TENM1: variants seen among roughly 807,000 people sequenced by gnomAD.
TENM1 encodes teneurin transmembrane protein 1.
In TENM1, 35 loss-of-function variants were observed where a neutral mutation model predicts 174.8. The observed-to-expected ratio is 0.20, with a 90% confidence interval of 0.15 to 0.27. The LOEUF (loss-of-function observed/expected upper bound fraction) is 0.27, where lower values mean the gene tolerates loss of function less well. Among genes scored for constraint, TENM1 ranks in the 10% least tolerant of loss-of-function variants. The pLI is 1.00. For synonymous variants in TENM1, 781 were observed against 798.7 expected (o/e 0.98, Z 0.37); for missense variants, 1,633 against 2,130.1 (o/e 0.77, Z 4.59).
intron 4 of TENM1, among the ~76,000 whole-genome samples, chrX:124,717,588 T>A (rs976877425): frequency 8.9e-6 from 1 of 111,873 alleles, no homozygotes; most frequent in Admixed American, 9.5e-5. Context: ...AGAAATAGAA[T>A]GATGGAGAGA....
chrX:124,566,870 G>C (rs1478675448), intron 11 of TENM1, among the ~76,000 whole-genome samples: 1 of 111,682 alleles, frequency 9.0e-6, no homozygotes, highest in Non-Finnish European at 1.9e-5. Context: ...AGTACCTATG[G>C]ACCCTTAGGC....
In TENM1 at chrX:124,728,840, T is replaced by C. The variant is rs772797420; in HGVS notation, c.776+8117A>G. On this transcript the variant is annotated intron_variant, in intron 4 of 31. Coordinates refer to ENST00000422452, the Ensembl canonical transcript of TENM1. ...CTGTCATATCCTACCTGTGGGATTT[T>C]ACAAAGTTCCTTAACCTCTCTGTAC... is the stretch of plus-strand genomic sequence containing the variant. Among the ~76,000 whole-genome samples the C allele has an allele frequency of 6.2e-5, 7 of 112,139 alleles. 1 individual carries two copies. The highest frequency in any genetic ancestry group is 3.8e-4 in the Admixed American group (4 of 10,576).
chrX:124,716,190 C>G (rs1435587743), intron 4 of TENM1, among the ~76,000 whole-genome samples: 1 of 112,028 alleles, frequency 8.9e-6, no homozygotes, highest in African/African-American at 3.2e-5. Context: ...CTCTAAAGAA[C>G]AAGCTGGCAA....
At chrX:124,381,831 G>A (rs2060160695) in intron 31 of TENM1, among the ~76,000 whole-genome samples, 2 of 110,958 alleles carry the variant, frequency 1.8e-5, no homozygotes, top group South Asian at 7.6e-4. Flanking sequence ...AAGAAATAAA[G>A]AGAAAAGACT....
At chrX:124,752,156 G>T (rs1487529541) in intron 3 of TENM1, among the ~76,000 whole-genome samples, 4 of 111,425 alleles carry the variant, frequency 3.6e-5, no homozygotes, top group Non-Finnish European at 7.5e-5. Flanking sequence ...AACACCTGTT[G>T]TTTCCTGACT....
intron 3 of TENM1, among the ~76,000 whole-genome samples, chrX:124,871,143 C>G (rs1390931049): frequency 8.9e-6 from 1 of 111,885 alleles, no homozygotes; most frequent in Non-Finnish European, 1.9e-5. Context: ...CATCTTCTCC[C>G]TTTTCCCCCT....
At chrX:124,579,931 GT>G (rs200846985) in intron 11 of TENM1, among the ~76,000 whole-genome samples, 1,268 of 111,781 alleles carry the variant, frequency 0.011, 23 homozygotes, top group African/African-American at 0.038. Flanking sequence ...GATGAGTTAT[GT>G]TTGGTTTTGG....
chrX:125,166,200 G>A, the TENM1 span, among the ~76,000 whole-genome samples: 3 of 111,379 alleles, frequency 2.7e-5, no homozygotes, highest in Admixed American at 9.6e-5. Context: ...AGAATGCTGT[G>A]TTCACACTAG....
the TENM1 span, among the ~76,000 whole-genome samples, chrX:125,105,047 C>T: frequency 3.6e-5 from 4 of 111,889 alleles, no homozygotes; most frequent in East Asian, 1.1e-3. Flanking sequence ...TTTCTATGGT[C>T]CTCAGTTTCA....
chrX:124,719,114 T>G (rs185830056), intron 4 of TENM1, among the ~76,000 whole-genome samples: 3 of 111,506 alleles, frequency 2.7e-5, no homozygotes, highest in African/African-American at 9.8e-5. Flanking sequence ...TTTTGAGGTA[T>G]TCTACATCTC....
At chrX:124,963,060 T>G (rs1342115231) in intron 1 of TENM1, among the ~76,000 whole-genome samples, 1 of 111,685 alleles carries the variant, frequency 9.0e-6, no homozygotes, top group African/African-American at 3.3e-5. Flanking sequence ...TTCTAAAAAA[T>G]TCTTACTTTC....
At chrX:124,734,752 G>T (rs2053634527) in intron 4 of TENM1, among the ~76,000 whole-genome samples, 1 of 111,770 alleles carries the variant, frequency 8.9e-6, no homozygotes, top group Non-Finnish European at 1.9e-5. Flanking sequence ...TAGGAGAGTT[G>T]ACTAGTCCTT....
intron 11 of TENM1, among the ~76,000 whole-genome samples, chrX:124,631,104 G>GA (rs2050745442): frequency 9.0e-6 from 1 of 111,608 alleles, no homozygotes; most frequent in Non-Finnish European, 1.9e-5. Context: ...ATATCCAAGA[G>GA]TTCAAAGAAG....
chrX:124,444,125 C>T (rs1400716622), intron 23 of TENM1, among the ~76,000 whole-genome samples: 3 of 111,789 alleles, frequency 2.7e-5, no homozygotes, highest in Non-Finnish European at 3.8e-5. Flanking sequence ...ACAATTGCAC[C>T]TACCTATCCA....
At chrX:124,464,793 T>A (rs1204273197) in intron 22 of TENM1, among the ~76,000 whole-genome samples, 2 of 111,847 alleles carry the variant, frequency 1.8e-5, no homozygotes, top group Non-Finnish European at 3.8e-5. Context: ...CAACTTCTTT[T>A]ACTGTTTTTA....
At chrX:125,152,105 A>G in the TENM1 span, among the ~76,000 whole-genome samples, 1 of 110,510 alleles carries the variant, frequency 9.0e-6, no homozygotes, top group African/African-American at 3.3e-5. Flanking sequence ...AAACACAAAA[A>G]TTAGCCAGGC....
the TENM1 span, among the ~76,000 whole-genome samples, chrX:124,990,825 G>A: frequency 8.9e-6 from 1 of 111,891 alleles, no homozygotes; most frequent in Admixed American, 9.5e-5. Flanking sequence ...ACAATTTAAT[G>A]TGAGTGAGGC....
At chrX:124,607,632 C>T (rs1280963142) in intron 11 of TENM1, among the ~76,000 whole-genome samples, 2 of 110,512 alleles carry the variant, frequency 1.8e-5, no homozygotes, top group African/African-American at 6.6e-5. Context: ...TGGGTAGGGC[C>T]CTGTAGATTA....
the TENM1 span, among the ~76,000 whole-genome samples, chrX:125,177,959 C>T: frequency 9.0e-6 from 1 of 111,586 alleles, no homozygotes; most frequent in Non-Finnish European, 1.9e-5. Context: ...AGGAATGCAT[C>T]TTATTTTCCT....
Sources: gnomAD v4.1 joint callset for allele counts (sites outside exome capture counted in the v4.1 genomes callset) on GRCh38, gnomAD v4.1.1 for gene constraint, MANE v1.5 for transcripts, NCBI Gene and HGNC (gene_info 2026-07-23, HGNC 2026-07-21) for gene names.